The following IL1R2 variants were observed in gnomAD, a reference collection of about 807,000 sequenced individuals.
IL1R2 encodes the protein interleukin 1 receptor type 2.
A neutral mutation model predicts 39.5 loss-of-function variants in IL1R2; 46 were observed. The observed-to-expected ratio is 1.16, with a 90% confidence interval of 0.92 to 1.49. The LOEUF (loss-of-function observed/expected upper bound fraction) is 1.49. Ranked by LOEUF, IL1R2 falls within the 40% of genes most tolerant of loss-of-function variation. The pLI is 0.00. For synonymous variants in IL1R2, 207 were observed against 189.6 expected (o/e 1.09, Z -0.75); for missense variants, 537 against 502.0 (o/e 1.07, Z -0.67).
At chr2:102,016,621 G>A (rs751128661) in intron 4 of IL1R2, 4 of 152,380 alleles carry the variant, frequency 2.6e-5, no homozygotes, top group Non-Finnish European at 4.4e-5. Context: ...AGGCCTGTGC[G>A]AGTACTCTCT....
intron 1 of IL1R2, among the ~76,000 whole-genome samples, chr2:101,994,360 C>T (rs1401239645): frequency 6.6e-6 from 1 of 152,134 alleles, no homozygotes; most frequent in Non-Finnish European, 1.5e-5. Context: ...TGGCCTCTAG[C>T]AGCAACAGGA....
intron 1 of IL1R2, among the ~76,000 whole-genome samples, chr2:102,003,661 G>T (rs1473368893): frequency 1.1e-3 from 105 of 97,370 alleles, no homozygotes; most frequent in Middle Eastern, 0.02. Context: ...TGTGGCTGTG[G>T]CTGTGTCTGT....
chr2:102,005,468 G>T (rs1676202918), intron 1 of IL1R2, among the ~76,000 whole-genome samples: 1 of 152,206 alleles, frequency 6.6e-6, no homozygotes, highest in South Asian at 2.1e-4. Context: ...GTGACAGAAA[G>T]CCTGGACACA....
At chr2:102,011,965 T>C (rs892886093) in intron 3 of IL1R2, among the ~76,000 whole-genome samples, 1 of 152,240 alleles carries the variant, frequency 6.6e-6, no homozygotes, top group Admixed American at 6.5e-5. Flanking sequence ...TGCATGTGGA[T>C]ATCCATTTTC....
chr2:101,999,901 A>G (rs1246663145), intron 1 of IL1R2, among the ~76,000 whole-genome samples: 4 of 152,230 alleles, frequency 2.6e-5, no homozygotes, highest in Non-Finnish European at 5.9e-5. Context: ...TATAAAGTAA[A>G]TATTTATAGA....
At chr2:102,021,667 C>T (rs1330674822) in intron 5 of IL1R2, among the ~76,000 whole-genome samples, 1 of 152,220 alleles carries the variant, frequency 6.6e-6, no homozygotes, top group African/African-American at 2.4e-5. Context: ...TCTGCCTCTC[C>T]AGAGAGTTTA....
chr2:102,002,107 T>C (rs1276080999), intron 1 of IL1R2: 2 of 152,224 alleles, frequency 1.3e-5, no homozygotes, highest in Non-Finnish European at 2.9e-5. Flanking sequence ...TCAAAAAAAA[T>C]TGTTACTCCT....
intron 1 of IL1R2, among the ~76,000 whole-genome samples, chr2:101,992,612 CAGAG>C (rs1462174790): frequency 7.8e-6 from 1 of 128,886 alleles, no homozygotes; most frequent in East Asian, 2.3e-4. Context: ...TAGAGGGAGA[CAGAG>C]AGAGGCAGAG....
At chr2:102,008,827 G>A (rs1676432860) in intron 2 of IL1R2, among the ~76,000 whole-genome samples, 185 bp downstream of exon 2, 1 of 140,338 alleles carries the variant, frequency 7.1e-6, no homozygotes, top group African/African-American at 2.7e-5. Flanking sequence ...TTTGAGACCA[G>A]TTTGGGCAAC....
chr2:102,010,306 T>G (rs1478531804), intron 3 of IL1R2: 1 of 155,794 alleles, frequency 6.4e-6, no homozygotes, highest in Non-Finnish European at 1.4e-5. Context: ...GGGTGAGACC[T>G]TAGGATTAAA....
intron 4 of IL1R2, among the ~76,000 whole-genome samples, chr2:102,017,572 C>G (rs1677087036): frequency 1.3e-5 from 2 of 152,102 alleles, no homozygotes; most frequent in South Asian, 4.1e-4. Context: ...GTTGGAAAAC[C>G]ATGGTTGGGC....
intron 1 of IL1R2, among the ~76,000 whole-genome samples, chr2:101,992,748 CAG>C (rs537740781): frequency 1.1e-4 from 17 of 151,222 alleles, no homozygotes; most frequent in Non-Finnish European, 2.4e-4. Flanking sequence ...AACACAGAGA[CAG>C]AGAGAGAGAG....
chr2:101,994,584 C>T (rs1675499545), intron 1 of IL1R2, among the ~76,000 whole-genome samples: 1 of 152,182 alleles, frequency 6.6e-6, no homozygotes, highest in East Asian at 1.9e-4. Context: ...AATAAGTGTC[C>T]AGGTGATGCT....
intron 1 of IL1R2, among the ~76,000 whole-genome samples, chr2:101,993,730 C>A (rs561991202): frequency 6.6e-6 from 1 of 152,278 alleles, no homozygotes; most frequent in South Asian, 2.1e-4. Context: ...TCTTTAATTG[C>A]ATTCCCTTTT....
chr2:102,027,795 C>T (rs1282565589), intron 8 of IL1R2, among the ~76,000 whole-genome samples: 1 of 152,124 alleles, frequency 6.6e-6, no homozygotes, highest in Non-Finnish European at 1.5e-5. Flanking sequence ...CGTGTTGGCC[C>T]CTGCAGCTCC....
chr2:101,992,790 C>T (rs1025926658), intron 1 of IL1R2, among the ~76,000 whole-genome samples: 1 of 152,136 alleles, frequency 6.6e-6, no homozygotes, highest in Non-Finnish European at 1.5e-5. Context: ...ATCTGGGAGT[C>T]GGGACACCTG....
At chr2:102,014,374 A>T (rs3218889) in intron 3 of IL1R2, among the ~76,000 whole-genome samples, 1 of 152,102 alleles carries the variant, frequency 6.6e-6, no homozygotes, top group Non-Finnish European at 1.5e-5. Flanking sequence ...GCCTGCATCT[A>T]CTCGCTGCTG....
intron 1 of IL1R2, among the ~76,000 whole-genome samples, chr2:102,005,129 G>C (rs1459755881): frequency 2.6e-5 from 4 of 152,208 alleles, no homozygotes; most frequent in African/African-American, 7.2e-5. Context: ...GCTACTGACT[G>C]ATCCTGAATG....
chr2:102,019,957 A>G, intron 5 of IL1R2, 145 bp downstream of exon 5: 1 of 667,620 alleles, frequency 1.5e-6, no homozygotes, highest in Non-Finnish European at 2.6e-6. Context: ...CTGAAGCATC[A>G]GGTTAATAAG....
Sources: allele counts gnomAD v4.1 joint callset (sites outside exome capture counted in the v4.1 genomes callset), GRCh38; gene constraint gnomAD v4.1.1; transcripts MANE v1.5; gene names NCBI Gene and HGNC (gene_info 2026-07-23, HGNC 2026-07-21).